Variants in PPP4R2 observed in about 807,000 individuals in gnomAD.
PPP4R2 encodes the protein protein phosphatase 4 regulatory subunit 2.
In PPP4R2, 13 loss-of-function variants were observed where a neutral mutation model predicts 47.2. That is an observed-to-expected ratio of 0.28 (90% CI 0.18 to 0.44). The LOEUF (loss-of-function observed/expected upper bound fraction) is 0.44. Among genes scored for constraint, PPP4R2 ranks in the 20% least tolerant of loss-of-function variants. PPP4R2 has a pLI of 1.00. For synonymous variants in PPP4R2, 151 were observed against 163.3 expected (o/e 0.92, Z 0.57); for missense variants, 421 against 491.2 (o/e 0.86, Z 1.35).
chr3:73,009,356 A>G (rs1701676959), intron 2 of PPP4R2, among the ~76,000 whole-genome samples: 2 of 152,216 alleles, frequency 1.3e-5, no homozygotes, highest in African/African-American at 4.8e-5. Context: ...TGGAGACATT[A>G]AAAAGTTGAG....
At chr3:73,004,799 T>C (rs1050549625) in intron 2 of PPP4R2, among the ~76,000 whole-genome samples, 11 of 152,186 alleles carry the variant, frequency 7.2e-5, no homozygotes, top group Admixed American at 6.5e-4. Flanking sequence ...CCCAATCTTT[T>C]TGCCTACCTT....
intron 2 of PPP4R2, among the ~76,000 whole-genome samples, chr3:73,008,216 G>A (rs1029256188): frequency 3.5e-4 from 53 of 152,114 alleles, no homozygotes; most frequent in Non-Finnish European, 8.8e-5. Flanking sequence ...CCTCTCATGT[G>A]CTGTCATCAC....
chr3:73,065,364 A>G (rs1456505263), intron 8 of PPP4R2, 33 bp from the exon 9 acceptor site: 1 of 1,539,236 alleles, frequency 6.5e-7, no homozygotes, highest in Non-Finnish European at 8.7e-7. Flanking sequence ...TTGAAAATAC[A>G]ATTTAACTAC....
intron 2 of PPP4R2, among the ~76,000 whole-genome samples, chr3:73,039,702 C>T (rs1702337870): frequency 6.6e-6 from 1 of 152,056 alleles, no homozygotes; most frequent in Non-Finnish European, 1.5e-5. Flanking sequence ...GATGTAGCTC[C>T]ACATCCTCCA....
chr3:73,021,535 C>G (rs548737586), intron 2 of PPP4R2, among the ~76,000 whole-genome samples: 1 of 152,176 alleles, frequency 6.6e-6, no homozygotes, highest in Non-Finnish European at 1.5e-5. Context: ...CACGCCCAGC[C>G]TGGAATTTAT....
chr3:73,007,378 C>A (rs1041378045), intron 2 of PPP4R2, among the ~76,000 whole-genome samples: 1 of 152,044 alleles, frequency 6.6e-6, no homozygotes, highest in Non-Finnish European at 1.5e-5. Context: ...AACTAAGACC[C>A]GCATTATTAC....
chr3:73,015,620 C>T (rs1295323839), intron 2 of PPP4R2, among the ~76,000 whole-genome samples: 1 of 150,712 alleles, frequency 6.6e-6, no homozygotes, highest in Non-Finnish European at 1.5e-5. Context: ...GCACTACAGG[C>T]GTGTGCCACC....
chr3:73,029,030 C>T (rs529435978), intron 2 of PPP4R2, among the ~76,000 whole-genome samples: 2 of 152,170 alleles, frequency 1.3e-5, no homozygotes, highest in Admixed American at 1.3e-4. Context: ...ACTGCAGCCT[C>T]GAACTCCTGG....
intron 2 of PPP4R2, chr3:73,015,037 T>A: frequency 1.7e-6 from 1 of 572,100 alleles, no homozygotes; most frequent in Non-Finnish European, 3.2e-6. Flanking sequence ...ACTCCTGGCC[T>A]GTTTATTAAT....
chr3:73,068,854 C>G lies in PPP4R2; in HGVS notation c.*3132C>G, dbSNP rs146706411. On this transcript the variant is annotated 3_prime_UTR_variant, in exon 9 of 9. Coordinates refer to ENST00000356692, the MANE Select transcript of PPP4R2 (RefSeq NM_174907.4). ...ATGGTAAGGATGAAAATGCAACTTA[C>G]AAAACCAAAGGAATTAAAAATTTTC... 3 of 152,114 alleles carry G rather than the reference C, an allele frequency of 2.0e-5. No individual in the cohort carries two copies. Among genetic ancestry groups the G allele is most frequent in the Non-Finnish European group, 2.9e-5 (2 of 68,014 alleles). 9.4% of individuals were successfully genotyped at this position (152,114 alleles called of 1,614,324 possible). A position where few individuals can be genotyped will look rare whatever the true frequency, so the allele number is the denominator to read the frequency against.
At chr3:73,039,859 G>C (rs985628162) in intron 2 of PPP4R2, among the ~76,000 whole-genome samples, 1 of 152,168 alleles carries the variant, frequency 6.6e-6, no homozygotes, top group African/African-American at 2.4e-5. Flanking sequence ...TTTGAGACCA[G>C]CCTGGCCAAC....
intron 2 of PPP4R2, among the ~76,000 whole-genome samples, chr3:73,037,710 C>T (rs1275449570): frequency 2.0e-5 from 3 of 152,180 alleles, no homozygotes; most frequent in Non-Finnish European, 4.4e-5. Flanking sequence ...ATTTCCAATT[C>T]CTTTTTCTGT....
At chr3:73,059,771 C>CA (rs1247500189) in intron 4 of PPP4R2, among the ~76,000 whole-genome samples, 2 of 151,622 alleles carry the variant, frequency 1.3e-5, no homozygotes, top group African/African-American at 2.4e-5. Context: ...CCTGTCTCTG[C>CA]AAAAAATACA....
chr3:73,056,698 CACAT>C (rs1702738213), intron 3 of PPP4R2, among the ~76,000 whole-genome samples: 1 of 152,094 alleles, frequency 6.6e-6, no homozygotes. Context: ...GCTATGTAAA[CACAT>C]ACCCCCCTCC....
intron 2 of PPP4R2, among the ~76,000 whole-genome samples, chr3:73,018,216 A>G (rs1701880627): frequency 6.6e-6 from 1 of 152,102 alleles, no homozygotes; most frequent in African/African-American, 2.4e-5. Flanking sequence ...GTGGGGGTCA[A>G]CTTAAACATA....
At position 73,066,571 on chromosome 3, in the gene PPP4R2, A is replaced by G. The variant is rs1225253152; in HGVS notation, c.*849A>G. ...ATCTTGGAAATTGTGTTCAAATGTT[A>G]GCTTACTATTTTGTAGAATGAATGT... On this transcript the variant is annotated 3_prime_UTR_variant, in exon 9 of 9. Coordinates refer to ENST00000356692, the MANE Select transcript of PPP4R2 (RefSeq NM_174907.4). 6.6e-6 allele frequency: 1 copy of G among 152,092 alleles called. No individual in the cohort carries two copies. Among genetic ancestry groups the G allele is most frequent in the Non-Finnish European group, 1.5e-5 (1 of 67,948 alleles). The allele number at this position is 152,092 out of a possible 1,614,324, so 9.4% of individuals were successfully genotyped here.
intron 2 of PPP4R2, among the ~76,000 whole-genome samples, chr3:73,009,898 G>GT (rs1701687634): frequency 6.6e-6 from 1 of 152,102 alleles, no homozygotes; most frequent in Non-Finnish European, 1.5e-5. Flanking sequence ...CTTCTCTCTG[G>GT]TTTCACCCAT....
rs532997547 is a variant in PPP4R2 at position 73,067,355 on chromosome 3, G to A, written c.*1633G>A. 6.6e-5 allele frequency: 10 copies of A among 152,104 alleles called. No homozygotes were observed. In the South Asian group the frequency reaches 1.5e-3, roughly 22 times the overall value. The allele number at this position is 152,104 out of a possible 1,614,324, so 9.4% of individuals were successfully genotyped here. Reference sequence around the variant, plus strand: ...GGGGCAACCACAAGTTTTGCGTTTTGACTACTTAAATCATCATGGCTATAA... The same window carrying A: ...GGGGCAACCACAAGTTTTGCGTTTTAACTACTTAAATCATCATGGCTATAA... On this transcript the variant is annotated 3_prime_UTR_variant, in exon 9 of 9. Transcript: ENST00000356692.
At chr3:73,013,650 T>C (rs1214645240) in intron 2 of PPP4R2, among the ~76,000 whole-genome samples, 2 of 152,174 alleles carry the variant, frequency 1.3e-5, no homozygotes, top group Non-Finnish European at 2.9e-5. Context: ...CTTTTTCTTT[T>C]TTTTTTTTGA....
Sources: allele counts gnomAD v4.1 joint callset (sites outside exome capture counted in the v4.1 genomes callset), GRCh38; gene constraint gnomAD v4.1.1; transcripts MANE v1.5; gene names NCBI Gene and HGNC (gene_info 2026-07-23, HGNC 2026-07-21).